Variants in OPA1 observed in about 807,000 individuals in gnomAD.
OPA1 encodes the protein OPA1 mitochondrial dynamin like GTPase, also known as dynamin-like GTPase OPA1, mitochondrial.
A neutral mutation model predicts 152.9 loss-of-function variants in OPA1; 59 were observed. The ratio of observed to expected loss-of-function variants is 0.39; its 90% CI spans 0.31 to 0.48. OPA1 has a LOEUF of 0.48. OPA1 is among the 20% of genes least tolerant of loss of function. The pLI is 0.96. For missense variants in OPA1, 1,008 were observed against 1,216.8 expected, an observed-to-expected ratio of 0.83 and a Z score of 2.55; for synonymous variants, 400 against 389.9, an observed-to-expected ratio of 1.03 and a Z score of -0.31.
intron 8 of OPA1, among the ~76,000 whole-genome samples, chr3:193,634,260 T>C (rs1560358500): frequency 6.8e-6 from 1 of 146,644 alleles, no homozygotes; most frequent in East Asian, 2.0e-4. Context: ...AGACGGAAAA[T>C]GTGTAGACAA....
At chr3:193,666,217 T>C in intron 27 of OPA1, 79 bp from the exon 28 acceptor site, 1 of 1,172,552 alleles carries the variant, frequency 8.5e-7, no homozygotes, top group Non-Finnish European at 1.3e-6. Flanking sequence ...ATCTACTGGT[T>C]CTAGTAGTTG....
At chr3:193,677,872 G>C (rs1291402835) in intron 29 of OPA1, among the ~76,000 whole-genome samples, 3 of 152,208 alleles carry the variant, frequency 2.0e-5, no homozygotes, top group Non-Finnish European at 4.4e-5. Flanking sequence ...GTGATGCTGA[G>C]GGACATTTCA....
chr3:193,690,883 G>A (rs2109453324), intron 29 of OPA1, among the ~76,000 whole-genome samples: 1 of 152,130 alleles, frequency 6.6e-6, no homozygotes, highest in South Asian at 2.1e-4. Flanking sequence ...TACCTTAAAA[G>A]AACAAAAATA....
Position 193,617,305 on chromosome 3 carries a change from A to T in OPA1, c.556+20A>T, listed in dbSNP as rs1373198810. The stretch of plus-strand genomic sequence containing the variant: ...CCTCAGGTAAGGAAGAAGCTGTTTG[A>T]TCTAATTTAAAAATTTAAGAACCAT... On this transcript the variant is annotated intron_variant, in intron 4 of 30. Transcript: ENST00000361510. The T allele has an allele frequency of 7.0e-7, 1 of 1,434,444 alleles. No individual in the cohort carries two copies. The highest frequency in any genetic ancestry group is 2.3e-5 in the East Asian group (1 of 44,020). 88.9% of individuals were successfully genotyped at this position (1,434,444 alleles called of 1,614,324 possible). A position where few individuals can be genotyped will look rare whatever the true frequency, so the allele number is the denominator to read the frequency against.
At chr3:193,675,197 C>T (rs573985706) in intron 29 of OPA1, among the ~76,000 whole-genome samples, 2 of 151,506 alleles carry the variant, frequency 1.3e-5, no homozygotes, top group Admixed American at 6.6e-5. Flanking sequence ...ACTTTAAAGG[C>T]ATCTGCACTG....
intron 29 of OPA1, among the ~76,000 whole-genome samples, chr3:193,676,873 G>A (rs906390813): frequency 1.3e-5 from 2 of 151,626 alleles, no homozygotes; most frequent in Admixed American, 1.3e-4. Context: ...CCCAGCTGCT[G>A]GGGAGGCTGA....
Position 193,643,522 on chromosome 3 carries a change from T to G in OPA1, c.1378-6T>G. On this transcript the variant is annotated splice_polypyrimidine_tract_variant and splice_region_variant and intron_variant, in intron 14 of 30. Coordinates refer to ENST00000361510, the MANE Select transcript of OPA1 (RefSeq NM_130837.3). ...TATAATGACATTTAAAACCTTTTTC[T>G]TTAAGACTGTGACATCAGGCATGGC... 6.2e-7 allele frequency: 1 copy of G among 1,613,492 alleles called. No homozygotes were observed. Among genetic ancestry groups the G allele is most frequent in the Non-Finnish European group, 8.5e-7 (1 of 1,179,540 alleles).
chr3:193,670,040 C>T (rs1328566966), intron 29 of OPA1, among the ~76,000 whole-genome samples: 1 of 152,158 alleles, frequency 6.6e-6, no homozygotes, highest in Non-Finnish European at 1.5e-5. Context: ...TGAGCCATGA[C>T]TTTGTTCATT....
intron 5 of OPA1, among the ~76,000 whole-genome samples, chr3:193,618,364 G>A (rs1019863699): frequency 2.6e-5 from 4 of 152,016 alleles, no homozygotes; most frequent in African/African-American, 9.7e-5. Flanking sequence ...TGTAGTCCTA[G>A]CTACTCGGGA....
Position 193,657,252 on chromosome 3 carries a change from G to C in OPA1, c.2331+20G>C, listed in dbSNP as rs374530731. 2 of 1,612,316 alleles carry C rather than the reference G, an allele frequency of 1.2e-6. No individual in the cohort carries two copies. Among genetic ancestry groups the C allele is most frequent in the Middle Eastern group, 1.7e-4 (1 of 6,056 alleles). ...AGCTTGGTATGTTGTTTGTATACTG[G>C]GGTATCAGCCTCATATTTTTATATA... On this transcript the variant is annotated intron_variant, in intron 23 of 30. Transcript: ENST00000361510.
At chr3:193,650,323 T>C (rs1712085949) in intron 21 of OPA1, among the ~76,000 whole-genome samples, 1 of 152,200 alleles carries the variant, frequency 6.6e-6, no homozygotes, top group South Asian at 2.1e-4. Flanking sequence ...TATGATTCTC[T>C]GTGTTTTCAG....
At chr3:193,634,711 A>G (rs1451200256) in intron 8 of OPA1, among the ~76,000 whole-genome samples, 1 of 152,132 alleles carries the variant, frequency 6.6e-6, no homozygotes, top group Admixed American at 6.5e-5. Context: ...CCCAGCCTAT[A>G]TCATTTTTTG....
At chr3:193,643,845 T>C in intron 15 of OPA1, 130 bp from the exon 16 acceptor site, 2 of 1,066,566 alleles carry the variant, frequency 1.9e-6, no homozygotes, top group Non-Finnish European at 1.4e-6. Flanking sequence ...GATTTCTTTT[T>C]AGTAAATAAC....
chr3:193,615,070 AATT>A, intron 2 of OPA1, 29 bp downstream of exon 2: 5 of 1,523,542 alleles, frequency 3.3e-6, no homozygotes, highest in Non-Finnish European at 4.6e-6. Flanking sequence ...CTGGTTTTCC[AATT>A]ATTATATCAT....
intron 29 of OPA1, among the ~76,000 whole-genome samples, chr3:193,678,999 A>T (rs772088174): frequency 6.6e-6 from 1 of 152,096 alleles, no homozygotes; most frequent in East Asian, 1.9e-4. Context: ...TGGCCCAGGC[A>T]TGCATTCAGG....
chr3:193,667,236 T>G lies in OPA1; in HGVS notation c.2939T>G (p.Ile980Ser), dbSNP rs1232966048. The change falls in exon 29 of 31, where the codon ATT (isoleucine) becomes AGT (serine). Residue 980 changes from isoleucine to serine, a missense_variant. This residue lies in a region of OPA1 where 137 missense variants were observed against 171.0 expected (regional missense o/e 0.80). Transcript: ENST00000361510. ...EDFAEDGEKK[I>S]KLLTGKRVQL... ...TTTGCTGAAGATGGTGAGAAGAAGATTAAATTGCTTACTGGTAAACGCGTT... is the reference window on the plus strand; with the variant it reads ...TTTGCTGAAGATGGTGAGAAGAAGAGTAAATTGCTTACTGGTAAACGCGTT... 3.1e-6 allele frequency: 5 copies of G among 1,607,394 alleles called. No homozygotes were observed. Among genetic ancestry groups the G allele is most frequent in the Non-Finnish European group, 4.3e-6 (5 of 1,174,006 alleles).
chr3:193,657,978 G>T (rs1714264030), intron 23 of OPA1, among the ~76,000 whole-genome samples: 2 of 152,154 alleles, frequency 1.3e-5, no homozygotes, highest in Non-Finnish European at 2.9e-5. Context: ...GGGCGTGGTG[G>T]CTCACACCTG....
chr3:193,624,724 A>T (rs1458433638), intron 6 of OPA1, among the ~76,000 whole-genome samples: 1 of 152,122 alleles, frequency 6.6e-6, no homozygotes, highest in Non-Finnish European at 1.5e-5. Context: ...ACTAGTTTTA[A>T]CCTTTGATTT....
Position 193,650,836 on chromosome 3 carries a change from A to G in OPA1, c.2012+1965A>G, listed in dbSNP as rs182043444. 4.0e-3 allele frequency among the ~76,000 whole-genome samples: 604 copies of G among 152,286 alleles called. 3 individuals carry two copies. The highest frequency in any genetic ancestry group is 4.1e-3 in the Admixed American group (62 of 15,290). On this transcript the variant is annotated intron_variant, in intron 21 of 30. Coordinates refer to ENST00000361510, the MANE Select transcript of OPA1 (RefSeq NM_130837.3). ...TATCATTAACATCATGTGACCAGCA[A>G]TGTAGACATATCTTTTCTAGAAGGA... is the stretch of plus-strand genomic sequence containing the variant.
Sources: gnomAD v4.1 joint callset for allele counts (sites outside exome capture counted in the v4.1 genomes callset) on GRCh38, gnomAD v4.1.1 for gene constraint, gnomAD v4.1.1 regional missense constraint, MANE v1.5 for transcripts, NCBI Gene and HGNC (gene_info 2026-07-23, HGNC 2026-07-21) for gene names.